NR2C2: variants seen among roughly 807,000 people sequenced by gnomAD.
NR2C2 encodes nuclear receptor subfamily 2 group C member 2, also known as Nuclear hormone receptor TR4.
In NR2C2, 6 loss-of-function variants were observed where a neutral mutation model predicts 62.9. That is an observed-to-expected ratio of 0.10 (90% confidence interval 0.05 to 0.19). The LOEUF (loss-of-function observed/expected upper bound fraction) is 0.19. Among genes scored for constraint, NR2C2 ranks in the 10% least tolerant of loss-of-function variants. The pLI is 1.00. For synonymous variants in NR2C2, 272 were observed against 273.8 expected, an observed-to-expected ratio of 0.99 and a Z score of 0.07; for missense variants, 479 against 762.7, an observed-to-expected ratio of 0.63 and a Z score of 4.38.
intron 1 of NR2C2, among the ~76,000 whole-genome samples, chr3:14,962,806 G>A (rs993891205): frequency 6.6e-6 from 1 of 151,892 alleles, no homozygotes. Flanking sequence ...TTAGTTTCTC[G>A]TACGCTTGAT....
At chr3:14,987,835 T>C (rs1487391439) in intron 1 of NR2C2, among the ~76,000 whole-genome samples, 1 of 152,266 alleles carries the variant, frequency 6.6e-6, no homozygotes, top group Non-Finnish European at 1.5e-5. Context: ...GCATATCATC[T>C]GGTTGTAATC....
chr3:14,952,402 A>G (rs1358341168), intron 1 of NR2C2, among the ~76,000 whole-genome samples: 2 of 152,152 alleles, frequency 1.3e-5, no homozygotes, highest in South Asian at 2.1e-4. Context: ...TCTCTTACCT[A>G]TAAGCCATAC....
At chr3:14,985,248 C>T (rs2040483946) in intron 1 of NR2C2, among the ~76,000 whole-genome samples, 1 of 151,996 alleles carries the variant, frequency 6.6e-6, no homozygotes, top group Non-Finnish European at 1.5e-5. Flanking sequence ...TTTTCATTAT[C>T]TTGGCAGAGT....
chr3:15,004,519 C>T, intron 2 of NR2C2: 3 of 1,580,318 alleles, frequency 1.9e-6, no homozygotes, highest in Non-Finnish European at 2.6e-6. Flanking sequence ...TTGTTATTAA[C>T]TAATCGATAT....
chr3:15,029,864 AAG>A (rs967457893), intron 8 of NR2C2, among the ~76,000 whole-genome samples: 12 of 150,676 alleles, frequency 8.0e-5, no homozygotes, highest in Non-Finnish European at 1.2e-4. Context: ...CCATCTCTGA[AAG>A]AGAGAAAGAA....
chr3:15,031,851 C>T (rs1182409287), intron 9 of NR2C2, among the ~76,000 whole-genome samples: 2 of 152,060 alleles, frequency 1.3e-5, no homozygotes, highest in Non-Finnish European at 2.9e-5. Context: ...GCCTCAGCCT[C>T]CGAAGTAGCT....
At chr3:15,024,032 G>A (rs2041752143) in intron 6 of NR2C2, 83 bp from the exon 7 acceptor site, 6 of 971,274 alleles carry the variant, frequency 6.2e-6, no homozygotes, top group African/African-American at 4.9e-5. Context: ...CTTCACAAAT[G>A]TGGAAGGACA....
At position 15,032,287 on chromosome 3, in the gene NR2C2, G is replaced by T. The variant is rs549300889; in HGVS notation, c.1111-92G>T. The T allele has an allele frequency of 3.2e-6, 5 of 1,558,358 alleles. No homozygotes were observed. The African/African-American group carries it at 5.4e-5, about 17-fold the overall frequency. ...TCAGACAGCAACTCTAGATGCCACT[G>T]CTATTGAAGCATGACAGGGATACAT... is the stretch of plus-strand genomic sequence containing the variant. On this transcript the variant is annotated intron_variant, in intron 9 of 13. Coordinates refer to ENST00000425241, the MANE Select transcript of NR2C2 (RefSeq NM_001291694.2).
At chr3:15,032,344 T>G in intron 9 of NR2C2, 35 bp from the exon 10 acceptor site, 3 of 1,614,108 alleles carry the variant, frequency 1.9e-6, no homozygotes, top group Non-Finnish European at 2.5e-6. Context: ...CTGTCCTTCC[T>G]TCACCTCCTG....
chr3:15,042,792 G>C (rs1168570343), intron 13 of NR2C2, 42 bp from the exon 14 acceptor site: 1 of 1,585,036 alleles, frequency 6.3e-7, no homozygotes, highest in Non-Finnish European at 8.6e-7. Flanking sequence ...TGGTTGAAGG[G>C]CATCAAACAG....
intron 1 of NR2C2, among the ~76,000 whole-genome samples, chr3:14,987,380 G>A (rs2040541139): frequency 6.6e-6 from 1 of 152,158 alleles, no homozygotes; most frequent in Non-Finnish European, 1.5e-5. Flanking sequence ...ACCATGCCCT[G>A]CCAAGTTTTT....
chr3:14,999,098 C>G (rs545526878), intron 1 of NR2C2, among the ~76,000 whole-genome samples: 1 of 152,088 alleles, frequency 6.6e-6, no homozygotes, highest in African/African-American at 2.4e-5. Flanking sequence ...GGGTGGATCA[C>G]CTGAGGTCAG....
chr3:15,035,167 C>G (rs554019600), intron 11 of NR2C2, among the ~76,000 whole-genome samples: 2 of 152,150 alleles, frequency 1.3e-5, no homozygotes, highest in African/African-American at 4.8e-5. Flanking sequence ...GTGGCATCTG[C>G]CTGTAGTCCC....
chr3:14,977,288 T>TA (rs2040234514), intron 1 of NR2C2, among the ~76,000 whole-genome samples: 1 of 152,202 alleles, frequency 6.6e-6, no homozygotes, highest in South Asian at 2.1e-4. Context: ...TAGGATTAAT[T>TA]ATTGAACTCA....
At chr3:14,969,215 T>C (rs1159785992) in intron 1 of NR2C2, among the ~76,000 whole-genome samples, 1 of 151,778 alleles carries the variant, frequency 6.6e-6, no homozygotes, top group East Asian at 1.9e-4. Context: ...ACATATACTA[T>C]GTATTTCTTC....
chr3:14,999,068 G>A (rs1434798036), intron 1 of NR2C2, among the ~76,000 whole-genome samples: 1 of 152,114 alleles, frequency 6.6e-6, no homozygotes, highest in East Asian at 1.9e-4. Flanking sequence ...TGTAATCCCA[G>A]CACTTTGGGA....
At chr3:14,959,883 C>G (rs2039643206) in intron 1 of NR2C2, among the ~76,000 whole-genome samples, 1 of 152,214 alleles carries the variant, frequency 6.6e-6, no homozygotes, top group African/African-American at 2.4e-5. Flanking sequence ...ATAGGAAAAA[C>G]AGATATGGCA....
chr3:15,016,654 A>C (rs1157549448), intron 4 of NR2C2, among the ~76,000 whole-genome samples: 3 of 152,178 alleles, frequency 2.0e-5, no homozygotes, highest in African/African-American at 7.2e-5. Context: ...CACTGTAAAT[A>C]ACTGCTGTAA....
At chr3:15,023,945 C>G (rs1489024639) in intron 6 of NR2C2, among the ~76,000 whole-genome samples, 170 bp from the exon 7 acceptor site, 1 of 152,176 alleles carries the variant, frequency 6.6e-6, no homozygotes, top group East Asian at 1.9e-4. Context: ...TATCTCATTG[C>G]AGAGAGACAG....
Sources: gnomAD v4.1 joint callset for allele counts (sites outside exome capture counted in the v4.1 genomes callset) on GRCh38, gnomAD v4.1.1 for gene constraint, MANE v1.5 for transcripts, NCBI Gene and HGNC (gene_info 2026-07-23, HGNC 2026-07-21) for gene names.